ARL15: variants seen among roughly 807,000 people sequenced by gnomAD.
The protein encoded by ARL15 is ARF like GTPase 15, also known as ADP-ribosylation factor-like protein 15.
In ARL15, 19 loss-of-function variants were observed where a neutral mutation model predicts 25.2. The observed-to-expected ratio is 0.75, with a 90% CI of 0.53 to 1.10. The LOEUF is 1.10. Ranked by LOEUF, ARL15 falls within the 50% of genes least tolerant of loss-of-function variation. The pLI is 0.00. For synonymous variants in ARL15, 94 were observed against 86.8 expected, an observed-to-expected ratio of 1.08 and a Z score of -0.46; for missense variants, 220 against 246.0, an observed-to-expected ratio of 0.89 and a Z score of 0.71.
At chr5:54,160,292 C>T (rs912090339) in intron 2 of ARL15, among the ~76,000 whole-genome samples, 1 of 152,220 alleles carries the variant, frequency 6.6e-6, no homozygotes, top group Non-Finnish European at 1.5e-5. Flanking sequence ...TGGCTTAACA[C>T]ATTTGAAGCT....
chr5:54,275,512 ATAAACAAACATACGGGAGTGG>A (rs1757905041), intron 1 of ARL15, among the ~76,000 whole-genome samples: 1 of 152,134 alleles, frequency 6.6e-6, no homozygotes, highest in African/African-American at 2.4e-5. Context: ...TTCCCACAGA[ATAAACAAACATACGGGAGTGG>A]TGAACCTCCT....
chr5:54,277,228 T>A (rs1374462118), intron 1 of ARL15, among the ~76,000 whole-genome samples: 1 of 152,048 alleles, frequency 6.6e-6, no homozygotes, highest in Admixed American at 6.5e-5. Context: ...TTGTTTTGCC[T>A]TTTTACTGTA....
At chr5:54,106,897 A>G (rs1207339069) in intron 4 of ARL15, among the ~76,000 whole-genome samples, 1 of 152,190 alleles carries the variant, frequency 6.6e-6, no homozygotes, top group African/African-American at 2.4e-5. Flanking sequence ...AAGGGAAATC[A>G]GATGAGAGAG....
intron 4 of ARL15, among the ~76,000 whole-genome samples, chr5:53,955,171 C>A (rs1747105293): frequency 6.6e-6 from 1 of 151,142 alleles, no homozygotes; most frequent in South Asian, 2.1e-4. Flanking sequence ...AGCAGCACAG[C>A]TGGAAGACTC....
intron 4 of ARL15, among the ~76,000 whole-genome samples, chr5:54,000,103 A>G (rs1748804659): frequency 6.6e-6 from 1 of 152,116 alleles, no homozygotes; most frequent in Admixed American, 6.5e-5. Flanking sequence ...GAAAAGCTAC[A>G]CTGCAGACTG....
chr5:54,254,013 G>A (rs1757305277), intron 1 of ARL15, among the ~76,000 whole-genome samples: 1 of 152,216 alleles, frequency 6.6e-6, no homozygotes, highest in East Asian at 1.9e-4. Context: ...CTTAAGACAT[G>A]GGAGCATTGC....
intron 4 of ARL15, among the ~76,000 whole-genome samples, chr5:53,980,688 G>A (rs1748090705): frequency 6.6e-6 from 1 of 152,204 alleles, no homozygotes; most frequent in South Asian, 2.1e-4. Context: ...GATTTAAGAG[G>A]AAAGCAGTAA....
intron 4 of ARL15, 92 bp from the exon 5 acceptor site, chr5:53,886,805 G>A (rs1327054449): frequency 4.8e-6 from 6 of 1,244,772 alleles, no homozygotes; most frequent in Admixed American, 2.7e-5. Context: ...GGGGAATTTC[G>A]AGGCGGAATT....
At chr5:54,227,116 T>C (rs572617999) in intron 1 of ARL15, among the ~76,000 whole-genome samples, 37 of 152,328 alleles carry the variant, frequency 2.4e-4, no homozygotes, top group Admixed American at 2.3e-3. Context: ...TATATCTTTA[T>C]TAGTAGCATG....
chr5:54,197,078 T>C (rs143527291), intron 1 of ARL15, among the ~76,000 whole-genome samples: 1 of 152,124 alleles, frequency 6.6e-6, no homozygotes, highest in African/African-American at 2.4e-5. Flanking sequence ...TCACAACACA[T>C]AGATTTGTAC....
At chr5:54,113,519 G>A (rs1305975226) in intron 3 of ARL15, 109 bp from the exon 4 acceptor site, 2 of 1,009,124 alleles carry the variant, frequency 2.0e-6, no homozygotes, top group African/African-American at 3.3e-5. Flanking sequence ...AAAATTAAGT[G>A]CTAAACTCTG....
At chr5:54,056,324 C>T (rs756622118) in intron 4 of ARL15, among the ~76,000 whole-genome samples, 3 of 151,868 alleles carry the variant, frequency 2.0e-5, no homozygotes, top group East Asian at 1.9e-4. Context: ...GGGGAAGGGG[C>T]GGGGACCTTT....
At chr5:54,015,965 C>T (rs1375241560) in intron 4 of ARL15, among the ~76,000 whole-genome samples, 1 of 152,202 alleles carries the variant, frequency 6.6e-6, no homozygotes, top group African/African-American at 2.4e-5. Flanking sequence ...ATTCACCATA[C>T]AGCTCCATTC....
intron 4 of ARL15, among the ~76,000 whole-genome samples, chr5:53,956,759 C>T (rs1179475512): frequency 6.6e-6 from 1 of 151,834 alleles, no homozygotes; most frequent in Admixed American, 6.6e-5. Context: ...ATAGAAATTA[C>T]AGAAAGGAAC....
chr5:53,957,733 A>G (rs1747207005), intron 4 of ARL15, among the ~76,000 whole-genome samples: 1 of 152,152 alleles, frequency 6.6e-6, no homozygotes, highest in African/African-American at 2.4e-5. Flanking sequence ...CTGAGGTGAG[A>G]GAATCAACTG....
chr5:54,045,229 A>T (rs1750468538), intron 4 of ARL15, among the ~76,000 whole-genome samples: 5 of 152,194 alleles, frequency 3.3e-5, no homozygotes, highest in Admixed American at 2.6e-4. Context: ...ACAAACACAC[A>T]CACACACACA....
chr5:54,186,403 A>T (rs1298722300), intron 1 of ARL15, among the ~76,000 whole-genome samples: 2 of 152,192 alleles, frequency 1.3e-5, no homozygotes, highest in East Asian at 3.9e-4. Context: ...CAGCAGTGGG[A>T]GTTCAAGCCA....
At chr5:54,133,646 TAA>T (rs1467520266) in intron 3 of ARL15, among the ~76,000 whole-genome samples, 2 of 152,192 alleles carry the variant, frequency 1.3e-5, no homozygotes, top group African/African-American at 4.8e-5. Flanking sequence ...ATGACAAATC[TAA>T]GTCTCCAAAC....
At chr5:54,097,709 T>C (rs1462351599) in intron 4 of ARL15, among the ~76,000 whole-genome samples, 3 of 152,216 alleles carry the variant, frequency 2.0e-5, no homozygotes, top group East Asian at 1.9e-4. Flanking sequence ...CTTTTTCATC[T>C]AAAAGGAGTA....
Sources: allele counts gnomAD v4.1 joint callset (sites outside exome capture counted in the v4.1 genomes callset), GRCh38; gene constraint gnomAD v4.1.1; transcripts MANE v1.5; gene names NCBI Gene and HGNC (gene_info 2026-07-23, HGNC 2026-07-21).